The following GPR15LG variants were observed in gnomAD, a reference collection of about 807,000 sequenced individuals.
GPR15LG encodes protein GPR15LG.
At chr10:84,174,180 A>G in the GPR15LG span, among the ~76,000 whole-genome samples, 1 of 152,206 alleles carries the variant, frequency 6.6e-6, no homozygotes, top group Non-Finnish European at 1.5e-5. Context: ...TCGCCATGCA[A>G]ACACACATAC....
At chr10:84,173,911 C>T in the GPR15LG span, 1 of 1,612,604 alleles carries the variant, frequency 6.2e-7, no homozygotes, top group South Asian at 1.1e-5. Flanking sequence ...TCTCCATCTT[C>T]TCCACAGAAG....
chr10:84,181,233 A>C, the GPR15LG span, among the ~76,000 whole-genome samples: 1 of 126,546 alleles, frequency 7.9e-6, no homozygotes, highest in Non-Finnish European at 1.6e-5. Context: ...CTTTTTTAAA[A>C]AATTAAATTT....
At chr10:84,183,553 C>T in the GPR15LG span, among the ~76,000 whole-genome samples, 1 of 152,042 alleles carries the variant, frequency 6.6e-6, no homozygotes, top group South Asian at 2.1e-4. Flanking sequence ...CATTTTTCTT[C>T]TTGTTGCTGT....
At chr10:84,184,642 C>T in the GPR15LG span, 13 of 1,607,554 alleles carry the variant, frequency 8.1e-6, no homozygotes, top group Non-Finnish European at 9.4e-6. Flanking sequence ...CGCCATCTTC[C>T]TGTCCTTGTC....
chr10:84,184,831 C>T, the GPR15LG span: 1 of 1,599,702 alleles, frequency 6.3e-7, no homozygotes, highest in Non-Finnish European at 8.5e-7. Context: ...TACCCAGCAG[C>T]CTCCTGTCTC....
chr10:84,184,673 C>T, the GPR15LG span: 1 of 1,614,000 alleles, frequency 6.2e-7, no homozygotes, highest in Non-Finnish European at 8.5e-7. Context: ...ACTCATTGCT[C>T]CTCCCAGGAC....
chr10:84,184,654 C>CTCTTG, the GPR15LG span: 2 of 1,613,054 alleles, frequency 1.2e-6, no homozygotes, highest in East Asian at 4.5e-5. Context: ...GTCCTTGTCC[C>CTCTTG]TCTTGTCTAC....
At chr10:84,184,804 A>G in the GPR15LG span, 2 of 1,610,184 alleles carry the variant, frequency 1.2e-6, no homozygotes, top group Non-Finnish European at 1.7e-6. Context: ...GGAGAACCTC[A>G]TGCCTGGCAC....
chr10:84,180,679 C>T, the GPR15LG span, among the ~76,000 whole-genome samples: 560 of 151,238 alleles, frequency 3.7e-3, 3 homozygotes, highest in South Asian at 7.7e-3. Context: ...ACTTCCTAGA[C>T]GGGGTGGCGG....
At chr10:84,174,025 C>T in the GPR15LG span, 107 of 902,864 alleles carry the variant, frequency 1.2e-4, 1 homozygote, top group African/African-American at 1.4e-3. Flanking sequence ...CAGGCCTTGG[C>T]AGGCAGTCCT....
the GPR15LG span, among the ~76,000 whole-genome samples, chr10:84,183,014 A>T: frequency 4.4e-4 from 67 of 150,626 alleles, no homozygotes; most frequent in Admixed American, 1.3e-3. Context: ...AGATCAAAGC[A>T]CTTACCAATA....
At chr10:84,184,677 C>G in the GPR15LG span, 22 of 1,613,952 alleles carry the variant, frequency 1.4e-5, no homozygotes, top group Non-Finnish European at 1.8e-5. Flanking sequence ...ATTGCTCCTC[C>G]CAGGACATCA....
chr10:84,176,165 G>T, the GPR15LG span, among the ~76,000 whole-genome samples: 1 of 152,208 alleles, frequency 6.6e-6, no homozygotes, highest in Non-Finnish European at 1.5e-5. Context: ...TAGGATTACA[G>T]GCATGAGCCA....
chr10:84,176,769 T>C, the GPR15LG span, among the ~76,000 whole-genome samples: 1 of 152,102 alleles, frequency 6.6e-6, no homozygotes, highest in Non-Finnish European at 1.5e-5. Context: ...CATTCTGCCA[T>C]GGAAAAAAAG....
At chr10:84,176,510 G>T in the GPR15LG span, 1 of 1,613,968 alleles carries the variant, frequency 6.2e-7, no homozygotes, top group Non-Finnish European at 8.5e-7. Context: ...GCCTGGTCAG[G>T]CAGGAGAACC....
the GPR15LG span, chr10:84,184,746 G>A: frequency 7.1e-5 from 114 of 1,613,772 alleles, no homozygotes; most frequent in African/African-American, 1.3e-3. Context: ...GGTGGTGCCT[G>A]GGGCACTCCC....
At chr10:84,179,869 TA>T in the GPR15LG span, among the ~76,000 whole-genome samples, 1 of 112,280 alleles carries the variant, frequency 8.9e-6, no homozygotes, top group Non-Finnish European at 1.8e-5. Context: ...CAATTTGCTT[TA>T]AAAAGGCTTT....
the GPR15LG span, chr10:84,184,668 T>C: frequency 6.2e-7 from 1 of 1,613,830 alleles, no homozygotes; most frequent in Non-Finnish European, 8.5e-7. Flanking sequence ...TGTCTACTCA[T>C]TGCTCCTCCC....
the GPR15LG span, among the ~76,000 whole-genome samples, chr10:84,175,888 C>CT: frequency 1.3e-5 from 2 of 151,274 alleles, no homozygotes; most frequent in East Asian, 1.9e-4. Context: ...TTCTTTTTTT[C>CT]TTTTTTTTAT....
Sources: allele counts gnomAD v4.1 joint callset (sites outside exome capture counted in the v4.1 genomes callset), GRCh38; gene constraint gnomAD v4.1.1; transcripts MANE v1.5; gene names NCBI Gene and HGNC (gene_info 2026-07-23, HGNC 2026-07-21).